CIROZ: variants seen among roughly 807,000 people sequenced by gnomAD.
The protein encoded by CIROZ is ciliated left-right organizer ZP-N domains-containing protein.
At chr1:10,980,310 CGG>C in the CIROZ span, among the ~76,000 whole-genome samples, 2 of 152,198 alleles carry the variant, frequency 1.3e-5, no homozygotes, top group African/African-American at 4.8e-5. Context: ...GAGGAGCTTG[CGG>C]CTGCCTGGCT....
the CIROZ span, among the ~76,000 whole-genome samples, chr1:10,977,483 CAATA>C: frequency 6.6e-6 from 1 of 151,858 alleles, no homozygotes; most frequent in African/African-American, 2.4e-5. Flanking sequence ...ACTCCATCTC[CAATA>C]AATAAATAAA....
the CIROZ span, chr1:10,955,195 G>A: frequency 1.3e-6 from 2 of 1,597,888 alleles, no homozygotes; most frequent in Non-Finnish European, 1.7e-6. Context: ...CACTGGAATG[G>A]GAAGGACACA....
the CIROZ span, among the ~76,000 whole-genome samples, chr1:10,967,316 G>T: frequency 6.6e-6 from 1 of 151,322 alleles, no homozygotes; most frequent in Admixed American, 6.6e-5. Flanking sequence ...ATCATCCCAG[G>T]CCCAGTCCTG....
At chr1:10,980,670 C>G in the CIROZ span, among the ~76,000 whole-genome samples, 4 of 152,216 alleles carry the variant, frequency 2.6e-5, no homozygotes, top group Admixed American at 6.5e-5. Flanking sequence ...TGGAATCGGC[C>G]CGGTGGCAGG....
At chr1:10,956,537 A>G in the CIROZ span, among the ~76,000 whole-genome samples, 3 of 148,754 alleles carry the variant, frequency 2.0e-5, no homozygotes, top group Non-Finnish European at 3.0e-5. Flanking sequence ...GTGCAGTGGC[A>G]CCATCTCGGC....
At chr1:10,973,963 C>CCCCA in the CIROZ span, among the ~76,000 whole-genome samples, 17 of 96,524 alleles carry the variant, frequency 1.8e-4, no homozygotes, top group African/African-American at 5.7e-4. Flanking sequence ...AGGACCCCCC[C>CCCCA]CACCAAGTCT....
chr1:10,960,574 C>T, the CIROZ span, among the ~76,000 whole-genome samples: 4 of 152,222 alleles, frequency 2.6e-5, no homozygotes, highest in Non-Finnish European at 4.4e-5. This position sits in a 1 kb window ranked among gnomAD's most constrained non-coding sequence, Gnocchi z 4.6. Flanking sequence ...ATTGAGTTTA[C>T]GGGTGCCCCT....
the CIROZ span, among the ~76,000 whole-genome samples, chr1:10,954,736 GATCAAGCA>G: frequency 2.0e-5 from 3 of 152,152 alleles, no homozygotes; most frequent in African/African-American, 7.2e-5. Flanking sequence ...AACTCCCTAA[GATCAAGCA>G]ATTCTCCCAC....
At chr1:10,958,565 G>C in the CIROZ span, 1 of 953,002 alleles carries the variant, frequency 1.0e-6, no homozygotes, top group Non-Finnish European at 1.7e-6. Flanking sequence ...CAGCCGGCAA[G>C]ACCTGGTCCT....
At chr1:10,955,934 C>T in the CIROZ span, among the ~76,000 whole-genome samples, 3 of 151,714 alleles carry the variant, frequency 2.0e-5, no homozygotes, top group African/African-American at 7.3e-5. Flanking sequence ...CTCAGGGGGA[C>T]ATTTTAAGCC....
chr1:10,951,846 T>C, the CIROZ span, among the ~76,000 whole-genome samples: 2 of 151,042 alleles, frequency 1.3e-5, no homozygotes, highest in South Asian at 4.2e-4. Context: ...GACACTTCAA[T>C]AATTAGGATT....
the CIROZ span, among the ~76,000 whole-genome samples, chr1:10,976,815 C>G: frequency 1.3e-5 from 2 of 151,848 alleles, no homozygotes; most frequent in Non-Finnish European, 2.9e-5. Context: ...CCTGAGAGGA[C>G]CTCTGATGGG....
chr1:10,949,306 C>A, the CIROZ span: 2 of 409,382 alleles, frequency 4.9e-6, no homozygotes, highest in Non-Finnish European at 4.4e-6. Context: ...TTCCCTCCCT[C>A]CATTTGTGTG....
At chr1:10,957,126 C>T in the CIROZ span, 1 of 1,544,208 alleles carries the variant, frequency 6.5e-7, no homozygotes, top group Non-Finnish European at 8.7e-7. Flanking sequence ...GAAGGGGGGT[C>T]CCCCCTGAGG....
the CIROZ span, chr1:10,957,691 C>T: frequency 1.2e-6 from 2 of 1,614,040 alleles, no homozygotes. Flanking sequence ...CATACAGTCC[C>T]ATCAGGCTGG....
chr1:10,950,581 T>G, the CIROZ span, among the ~76,000 whole-genome samples: 1 of 152,178 alleles, frequency 6.6e-6, no homozygotes, highest in Non-Finnish European at 1.5e-5. Context: ...CTTTGCCAAG[T>G]GCAGGAGAGG....
At chr1:10,957,898 G>T in the CIROZ span, 1 of 911,870 alleles carries the variant, frequency 1.1e-6, no homozygotes, top group Non-Finnish European at 1.6e-6. Flanking sequence ...AGGACGGCAG[G>T]CCACTCTGGG....
the CIROZ span, among the ~76,000 whole-genome samples, chr1:10,951,264 C>T: frequency 1.3e-5 from 2 of 151,492 alleles, no homozygotes; most frequent in Non-Finnish European, 2.9e-5. Context: ...ATGATCTCAT[C>T]TCTATAAAAA....
the CIROZ span, among the ~76,000 whole-genome samples, chr1:10,960,193 G>T: frequency 1.3e-5 from 2 of 152,128 alleles, no homozygotes; most frequent in African/African-American, 4.8e-5. The surrounding 1 kb of genome is among the most constrained non-coding windows in gnomAD (Gnocchi z 4.6). Flanking sequence ...TTCCAGACCA[G>T]CCTGGGCAAC....
Sources: allele counts gnomAD v4.1 joint callset (sites outside exome capture counted in the v4.1 genomes callset), GRCh38; gene constraint gnomAD v4.1.1; non-coding constraint Gnocchi (gnomAD v3.1); transcripts MANE v1.5; gene names NCBI Gene and HGNC (gene_info 2026-07-23, HGNC 2026-07-21).